CERKL: variants seen among roughly 807,000 people sequenced by gnomAD.
CERKL encodes the protein CERK like autophagy regulator.
CERKL carries 61 observed loss-of-function variants against 63.4 expected under a neutral mutation model. The ratio of observed to expected loss-of-function variants is 0.96; its 90% CI spans 0.78 to 1.19. CERKL has a LOEUF of 1.19. Among genes scored for constraint, CERKL ranks in the 50% most tolerant of loss-of-function variants. The pLI is 0.00. For synonymous variants in CERKL, 250 were observed against 230.5 expected (o/e 1.08, Z -0.77); for missense variants, 675 against 655.5 (o/e 1.03, Z -0.33).
At chr2:181,577,119 A>C (rs1207266987) in intron 2 of CERKL, among the ~76,000 whole-genome samples, 2 of 152,212 alleles carry the variant, frequency 1.3e-5, no homozygotes, top group Non-Finnish European at 2.9e-5. Context: ...CGATGTCTGC[A>C]AAGGGGCCAC....
chr2:181,629,540 C>T (rs1686859357), intron 1 of CERKL, among the ~76,000 whole-genome samples: 1 of 151,876 alleles, frequency 6.6e-6, no homozygotes, highest in South Asian at 2.1e-4. Flanking sequence ...ACAAAATAAA[C>T]ACTGATTTCA....
chr2:181,562,074 A>G (rs528712949), intron 4 of CERKL, among the ~76,000 whole-genome samples: 15 of 152,232 alleles, frequency 9.9e-5, no homozygotes, highest in South Asian at 2.1e-4. Context: ...TCAGCCTTCT[A>G]AAGAGCTGGG....
At chr2:181,553,725 T>C (rs1574442250) in intron 5 of CERKL, among the ~76,000 whole-genome samples, 1 of 152,198 alleles carries the variant, frequency 6.6e-6, no homozygotes, top group South Asian at 2.1e-4. Context: ...AGTCATTGAC[T>C]ACTCATTAAT....
At chr2:181,605,179 G>A (rs1685627719) in intron 1 of CERKL, among the ~76,000 whole-genome samples, 1 of 152,212 alleles carries the variant, frequency 6.6e-6, no homozygotes, top group Non-Finnish European at 1.5e-5. Flanking sequence ...CCTATTGCCT[G>A]CAGAGAATCT....
intron 1 of CERKL, among the ~76,000 whole-genome samples, chr2:181,623,617 C>T (rs1686553095): frequency 3.9e-5 from 6 of 152,194 alleles, no homozygotes. Flanking sequence ...GCCTTTTAGA[C>T]AGAGATCTTC....
intron 4 of CERKL, among the ~76,000 whole-genome samples, chr2:181,562,338 C>T (rs1272808753): frequency 1.3e-5 from 2 of 152,158 alleles, no homozygotes; most frequent in Non-Finnish European, 2.9e-5. Context: ...TCTGTATCCC[C>T]AAAATGTATA....
At chr2:181,554,945 G>C (rs1422586143) in intron 5 of CERKL, among the ~76,000 whole-genome samples, 1 of 152,038 alleles carries the variant, frequency 6.6e-6, no homozygotes, top group Non-Finnish European at 1.5e-5. Context: ...GAACTCCTAT[G>C]CAATGACCAG....
intron 1 of CERKL, among the ~76,000 whole-genome samples, chr2:181,623,060 T>C (rs1686524162): frequency 6.6e-6 from 1 of 152,222 alleles, no homozygotes; most frequent in African/African-American, 2.4e-5. Context: ...GGAAAGTGAA[T>C]GCTAAAATTT....
At chr2:181,644,499 C>T (rs1401963158) in intron 1 of CERKL, among the ~76,000 whole-genome samples, 1 of 152,222 alleles carries the variant, frequency 6.6e-6, no homozygotes, top group Non-Finnish European at 1.5e-5. Flanking sequence ...GATGCTCTTT[C>T]GTAAACACAG....
chr2:181,620,291 T>C (rs573474811), intron 1 of CERKL, among the ~76,000 whole-genome samples: 1 of 152,192 alleles, frequency 6.6e-6, no homozygotes, highest in Non-Finnish European at 1.5e-5. Context: ...GATAGTCATA[T>C]GTACTTTGCT....
chr2:181,539,413 T>A (rs1305919766), intron 11 of CERKL, 149 bp from the exon 12 acceptor site: 2 of 583,488 alleles, frequency 3.4e-6, no homozygotes, highest in Non-Finnish European at 6.0e-6. Flanking sequence ...GATCTCCAAC[T>A]TTTTTTGGAA....
chr2:181,620,209 G>C (rs1025374208), intron 1 of CERKL, among the ~76,000 whole-genome samples: 1 of 152,122 alleles, frequency 6.6e-6, no homozygotes, highest in Non-Finnish European at 1.5e-5. Context: ...CTGGGCATGG[G>C]CTTCCTTATT....
At chr2:181,585,477 T>C (rs964986918) in intron 2 of CERKL, among the ~76,000 whole-genome samples, 1 of 152,196 alleles carries the variant, frequency 6.6e-6, no homozygotes, top group Non-Finnish European at 1.5e-5. Context: ...CAACTATTTC[T>C]ATTAATTCCT....
intron 6 of CERKL, among the ~76,000 whole-genome samples, chr2:181,549,360 G>T (rs1295319051): frequency 1.3e-5 from 2 of 152,044 alleles, no homozygotes; most frequent in African/African-American, 2.4e-5. Flanking sequence ...TCTTCATCTG[G>T]TTATAAAATT....
intron 8 of CERKL, chr2:181,548,177 T>C (rs1687817726): frequency 1.9e-6 from 1 of 527,364 alleles, no homozygotes; most frequent in East Asian, 3.3e-5. Flanking sequence ...TTTTGTTCAT[T>C]TTTTGGTGCA....
intron 2 of CERKL, among the ~76,000 whole-genome samples, chr2:181,601,984 T>G (rs976141332): frequency 6.6e-6 from 1 of 152,230 alleles, no homozygotes; most frequent in Non-Finnish European, 1.5e-5. Flanking sequence ...ATATGTAGTT[T>G]ATTCATCTCT....
At chr2:181,644,076 T>C (rs990377944) in intron 1 of CERKL, among the ~76,000 whole-genome samples, 2 of 152,276 alleles carry the variant, frequency 1.3e-5, no homozygotes, top group African/African-American at 4.8e-5. Flanking sequence ...TCTGATCCAG[T>C]ATCAGCACAA....
chr2:181,637,936 C>G (rs1300986015), intron 1 of CERKL, among the ~76,000 whole-genome samples: 1 of 151,914 alleles, frequency 6.6e-6, no homozygotes, highest in African/African-American at 2.4e-5. Flanking sequence ...GCAGGACTAT[C>G]TTAAGTGGGT....
chr2:181,574,946 C>T (rs1159891852), intron 2 of CERKL, among the ~76,000 whole-genome samples: 1 of 152,114 alleles, frequency 6.6e-6, no homozygotes, highest in African/African-American at 2.4e-5. Flanking sequence ...TGATAAACTC[C>T]TTAAACATTC....
Sources: allele counts gnomAD v4.1 joint callset (sites outside exome capture counted in the v4.1 genomes callset), GRCh38; gene constraint gnomAD v4.1.1; transcripts MANE v1.5; gene names NCBI Gene and HGNC (gene_info 2026-07-23, HGNC 2026-07-21).